RANBP2: variants seen among roughly 807,000 people sequenced by gnomAD.
RANBP2 encodes RAN binding protein 2.
Under a neutral mutation model 303.6 loss-of-function variants are expected in RANBP2, and 57 were observed. The observed-to-expected ratio is 0.19, with a 90% CI of 0.15 to 0.23. The LOEUF (loss-of-function observed/expected upper bound fraction) is 0.23. Among genes scored for constraint, RANBP2 ranks in the 10% least tolerant of loss-of-function variants. The pLI is 1.00. For synonymous variants in RANBP2, 1,167 were observed against 1,301.5 expected (o/e 0.90, Z 2.23); for missense variants, 3,138 against 3,780.8 (o/e 0.83, Z 4.46).
the RANBP2 span, among the ~76,000 whole-genome samples, chr2:109,334,146 C>T: frequency 1.3e-5 from 2 of 152,090 alleles, no homozygotes; most frequent in East Asian, 1.9e-4. Flanking sequence ...ACTGTTTGAG[C>T]CCACAAGTTC....
At chr2:109,614,458 C>T in the RANBP2 span, 4 of 1,212,374 alleles carry the variant, frequency 3.3e-6, no homozygotes, top group Non-Finnish European at 4.1e-6. Context: ...CGCGCTGAGC[C>T]GCCCGCTGGC....
chr2:108,788,029 TA>T, downstream of RANBP2: 5 of 1,530,270 alleles, frequency 3.3e-6, no homozygotes, highest in Non-Finnish European at 4.4e-6. Context: ...TTTTTTTTTT[TA>T]GTATGATTTT....
the RANBP2 span, among the ~76,000 whole-genome samples, chr2:109,576,296 G>A: frequency 6.6e-6 from 1 of 151,908 alleles, no homozygotes; most frequent in Admixed American, 6.6e-5. Context: ...ACAGGGTCTC[G>A]TTGTGTTGCC....
chr2:108,863,175 A>G, the RANBP2 span, among the ~76,000 whole-genome samples: 2 of 152,104 alleles, frequency 1.3e-5, no homozygotes, highest in Non-Finnish European at 2.9e-5. Flanking sequence ...GCTGTTTTAA[A>G]TTTATTCAAT....
the RANBP2 span, among the ~76,000 whole-genome samples, chr2:109,206,655 A>C: frequency 6.6e-6 from 1 of 151,880 alleles, no homozygotes; most frequent in Non-Finnish European, 1.5e-5. Context: ...CAAAAAAAAA[A>C]TTTTTTTTAA....
chr2:109,730,776 CTTT>C, the RANBP2 span, among the ~76,000 whole-genome samples: 6 of 79,408 alleles, frequency 7.6e-5, no homozygotes, highest in African/African-American at 2.6e-4. Flanking sequence ...CTCTCTCTCT[CTTT>C]TTTTTTTTTT....
chr2:108,873,879 TC>T, the RANBP2 span, among the ~76,000 whole-genome samples: 1 of 152,170 alleles, frequency 6.6e-6, no homozygotes. Flanking sequence ...TTTAGACCTT[TC>T]TGAATCCCAT....
At chr2:109,403,052 C>A in the RANBP2 span, among the ~76,000 whole-genome samples, 1 of 152,172 alleles carries the variant, frequency 6.6e-6, no homozygotes, top group Non-Finnish European at 1.5e-5. Flanking sequence ...AATTAAGGGG[C>A]TCTCGCTGTA....
the RANBP2 span, among the ~76,000 whole-genome samples, chr2:109,562,207 T>C: frequency 6.7e-6 from 1 of 149,968 alleles, no homozygotes; most frequent in Non-Finnish European, 1.5e-5. Context: ...AGTGAGACTC[T>C]ATCTCAAAAA....
At chr2:109,151,666 C>T in the RANBP2 span, among the ~76,000 whole-genome samples, 2 of 152,346 alleles carry the variant, frequency 1.3e-5, no homozygotes, top group South Asian at 2.1e-4. Flanking sequence ...TGAGGTCACA[C>T]TTCCCGGTTT....
At chr2:108,929,112 C>T in the RANBP2 span, 1 of 1,498,330 alleles carries the variant, frequency 6.7e-7, no homozygotes, top group Non-Finnish European at 9.2e-7. Context: ...GTATCCATGA[C>T]CCCTGTTCCC....
At chr2:109,631,953 G>T in the RANBP2 span, among the ~76,000 whole-genome samples, 2 of 152,110 alleles carry the variant, frequency 1.3e-5, no homozygotes, top group Non-Finnish European at 2.9e-5. Context: ...CAAAAGACCC[G>T]CCCAGCCTGG....
At chr2:109,729,197 C>T in the RANBP2 span, among the ~76,000 whole-genome samples, 83 of 152,184 alleles carry the variant, frequency 5.5e-4, 7 homozygotes, top group Non-Finnish European at 2.9e-5. Context: ...GACCAGCAGA[C>T]GTTCCTTCAC....
chr2:109,287,468 A>G, the RANBP2 span, among the ~76,000 whole-genome samples: 1 of 152,310 alleles, frequency 6.6e-6, no homozygotes, highest in South Asian at 2.1e-4. Flanking sequence ...TGAGATACCT[A>G]AGAGAGATAC....
chr2:109,705,901 C>T, the RANBP2 span, among the ~76,000 whole-genome samples: 1 of 152,110 alleles, frequency 6.6e-6, no homozygotes, highest in South Asian at 2.1e-4. Flanking sequence ...TGATCTCAGC[C>T]CCCCACAAAA....
the RANBP2 span, among the ~76,000 whole-genome samples, chr2:108,839,516 G>GAA: frequency 6.6e-6 from 1 of 152,060 alleles, no homozygotes; most frequent in Non-Finnish European, 1.5e-5. Context: ...TACAATTTAT[G>GAA]AACATAAAAT....
At chr2:109,275,861 G>A in the RANBP2 span, among the ~76,000 whole-genome samples, 19 of 152,124 alleles carry the variant, frequency 1.2e-4, no homozygotes, top group African/African-American at 4.1e-4. Context: ...CTTCAAGGTC[G>A]GTTGGTTTTT....
At chr2:109,599,797 C>T in the RANBP2 span, among the ~76,000 whole-genome samples, 1 of 152,140 alleles carries the variant, frequency 6.6e-6, no homozygotes, top group Non-Finnish European at 1.5e-5. Context: ...GTTTAAAATA[C>T]AAATGCAATC....
chr2:109,121,653 G>C, the RANBP2 span, among the ~76,000 whole-genome samples: 2 of 152,148 alleles, frequency 1.3e-5, no homozygotes, highest in African/African-American at 4.8e-5. Context: ...CCGATCCTCT[G>C]TCCTCTGCTT....
Sources: allele counts gnomAD v4.1 joint callset (sites outside exome capture counted in the v4.1 genomes callset), GRCh38; gene constraint gnomAD v4.1.1; transcripts MANE v1.5; gene names NCBI Gene and HGNC (gene_info 2026-07-23, HGNC 2026-07-21).